The following ZNF516 variants were observed in gnomAD, a reference collection of about 807,000 sequenced individuals.
ZNF516 encodes the protein zinc finger protein 516.
In ZNF516, 19 loss-of-function variants were observed where a neutral mutation model predicts 79.7. The ratio of observed to expected loss-of-function variants is 0.24; its 90% confidence interval spans 0.17 to 0.35. ZNF516 has a LOEUF of 0.35. ZNF516 is among the 10% of genes least tolerant of loss of function. The pLI is 1.00. For missense variants in ZNF516, 1,678 were observed against 1,679.5 expected, an observed-to-expected ratio of 1.00 and a Z score of 0.02; for synonymous variants, 877 against 739.5, an observed-to-expected ratio of 1.19 and a Z score of -3.02.
chr18:76,429,333 C>A (rs139949388), intron 3 of ZNF516, among the ~76,000 whole-genome samples: 7 of 152,288 alleles, frequency 4.6e-5, no homozygotes, highest in Non-Finnish European at 8.8e-5. Flanking sequence ...GGCCTTGGGA[C>A]AGATAAAAGA....
intron 3 of ZNF516, among the ~76,000 whole-genome samples, chr18:76,406,137 C>A (rs1477993449): frequency 6.6e-6 from 1 of 152,226 alleles, no homozygotes; most frequent in Non-Finnish European, 1.5e-5. Context: ...GGAGGCACCG[C>A]CCGGCCTGCA....
At chr18:76,404,712 C>A (rs690082) in intron 3 of ZNF516, among the ~76,000 whole-genome samples, 1 of 151,000 alleles carries the variant, frequency 6.6e-6, no homozygotes, top group Non-Finnish European at 1.5e-5. Context: ...TGAGCATATG[C>A]ACGTGTGCAT....
rs374036186 is a variant in ZNF516 at position 76,370,576 on chromosome 18, C to T, written c.3384G>A (p.Gly1128=). 2 of 1,605,470 alleles carry T rather than the reference C, an allele frequency of 1.2e-6. No homozygotes were observed. Among genetic ancestry groups the T allele is most frequent in the South Asian group, 2.2e-5 (2 of 89,176 alleles). ...RAHSVVFESD[G]PRGSEVHTTS... is the part of the protein sequence containing the mutation. ...TGGTATGAACTTCAGAACCCCGAGG[C>T]CCATCGGACTCAAACACCACTGTGG... The change falls in exon 6 of 7, where the codon GGG becomes GGA. Residue 1128 remains glycine (G), a synonymous_variant. Coordinates refer to ENST00000443185, the MANE Select transcript of ZNF516 (RefSeq NM_014643.4).
intron 3 of ZNF516, among the ~76,000 whole-genome samples, chr18:76,399,262 A>G (rs537091370): frequency 6.6e-6 from 1 of 152,358 alleles, no homozygotes; most frequent in East Asian, 1.9e-4. Flanking sequence ...CAAAATGCAC[A>G]TGTCTTATGA....
At chr18:76,378,638 C>A (rs1218218297) in intron 4 of ZNF516, among the ~76,000 whole-genome samples, 1 of 152,210 alleles carries the variant, frequency 6.6e-6, no homozygotes, top group Non-Finnish European at 1.5e-5. Context: ...GGCAGGCATT[C>A]CCCGGCAGGG....
At chr18:76,490,725 T>A in intron 1 of ZNF516, 4 of 975,226 alleles carry the variant, frequency 4.1e-6, no homozygotes, top group Non-Finnish European at 3.7e-6. Context: ...ACGGGGGCAA[T>A]GCCTTTCTGC....
intron 1 of ZNF516, among the ~76,000 whole-genome samples, chr18:76,471,547 C>A (rs534307938): frequency 1.3e-5 from 2 of 152,172 alleles, no homozygotes; most frequent in Admixed American, 1.3e-4. Context: ...CTCTGACCTG[C>A]GGTGGGCCCA....
intron 1 of ZNF516, among the ~76,000 whole-genome samples, chr18:76,476,913 C>T (rs1179111289): frequency 2.0e-5 from 3 of 152,114 alleles, no homozygotes; most frequent in African/African-American, 7.2e-5. Flanking sequence ...AGAGAAGAAC[C>T]CACAGATGAA....
rs1372083007 is a variant in ZNF516, at chr18:76,495,193, C to T, written c.-321G>A. The T allele has an allele frequency of 1.3e-5, 2 of 148,944 alleles. No individual in the cohort carries two copies. The highest frequency in any genetic ancestry group is 1.5e-5 in the Non-Finnish European group (1 of 66,916). 9.2% of individuals were successfully genotyped at this position (148,944 alleles called of 1,614,324 possible). A position where few individuals can be genotyped will look rare whatever the true frequency, so the allele number is the denominator to read the frequency against. ...GGGAGGAGGACGCGCACGCCCCGCG[C>T]ATCTGAAGGTGAAGCCGAGCGCCCG... is the stretch of plus-strand genomic sequence containing the variant. On this transcript the variant is annotated 5_prime_UTR_variant, in exon 1 of 7. An upstream start codon of the reference 5' UTR is lost. Transcript: ENST00000443185.
chr18:76,371,646 G>T, intron 4 of ZNF516, 75 bp from the exon 5 acceptor site: 1 of 1,212,786 alleles, frequency 8.2e-7, no homozygotes, highest in South Asian at 1.3e-5. Context: ...GGAGAGCGAG[G>T]GGGAAGCGAG....
intron 1 of ZNF516, among the ~76,000 whole-genome samples, chr18:76,466,855 T>G (rs1913505169): frequency 6.6e-6 from 1 of 152,164 alleles, no homozygotes; most frequent in African/African-American, 2.4e-5. Context: ...CACCAGGGTA[T>G]CACCAGGACC....
At chr18:76,477,397 G>A (rs931018162) in intron 1 of ZNF516, among the ~76,000 whole-genome samples, 3 of 152,172 alleles carry the variant, frequency 2.0e-5, no homozygotes, top group Admixed American at 1.3e-4. Context: ...CAGGTAACCT[G>A]AAGTGTCACC....
intron 6 of ZNF516, among the ~76,000 whole-genome samples, chr18:76,366,122 T>TC (rs1156244840): frequency 6.6e-6 from 1 of 152,242 alleles, no homozygotes; most frequent in African/African-American, 2.4e-5. Flanking sequence ...ACTTTATTTC[T>TC]CTTCAAGCTT....
intron 1 of ZNF516, among the ~76,000 whole-genome samples, chr18:76,466,730 G>A (rs141907963): frequency 1.3e-3 from 205 of 152,328 alleles, no homozygotes; most frequent in Non-Finnish European, 1.2e-3. Context: ...TGCCTACAGT[G>A]GGGGCTGGAA....
chr18:76,454,864 C>T (rs1430870497), intron 2 of ZNF516, among the ~76,000 whole-genome samples: 1 of 152,210 alleles, frequency 6.6e-6, no homozygotes, highest in African/African-American at 2.4e-5. Context: ...GAAAACTTTG[C>T]ACCTGAAGTG....
At chr18:76,479,167 C>A (rs529111943) in intron 1 of ZNF516, among the ~76,000 whole-genome samples, 2 of 152,208 alleles carry the variant, frequency 1.3e-5, no homozygotes, top group Non-Finnish European at 2.9e-5. Context: ...TCCATTGGTG[C>A]GATCTTAAGA....
chr18:76,370,006 A>G (rs1400470558), intron 6 of ZNF516, among the ~76,000 whole-genome samples: 1 of 152,210 alleles, frequency 6.6e-6, no homozygotes, highest in Non-Finnish European at 1.5e-5. Context: ...TACACAGGTC[A>G]CGCCTGGATG....
intron 4 of ZNF516, 86 bp downstream of exon 4, chr18:76,378,769 A>C: frequency 6.7e-7 from 1 of 1,503,188 alleles, no homozygotes; most frequent in Non-Finnish European, 8.9e-7. Context: ...GGACATGGAC[A>C]GGCAGGTGCG....
chr18:76,488,170 C>T (rs1424799740), intron 1 of ZNF516: 1 of 985,260 alleles, frequency 1.0e-6, no homozygotes, highest in Non-Finnish European at 1.2e-6. Flanking sequence ...CCTGACACTA[C>T]AATTCACTTG....
Sources: allele counts gnomAD v4.1 joint callset (sites outside exome capture counted in the v4.1 genomes callset), GRCh38; gene constraint gnomAD v4.1.1; transcripts MANE v1.5; gene names NCBI Gene and HGNC (gene_info 2026-07-23, HGNC 2026-07-21).